PPP6R2: variants seen among roughly 807,000 people sequenced by gnomAD.
The protein encoded by PPP6R2 is serine/threonine-protein phosphatase 6 regulatory subunit 2.
Under a neutral mutation model 100.2 loss-of-function variants are expected in PPP6R2, and 62 were observed. The observed-to-expected ratio is 0.62, with a 90% CI of 0.50 to 0.76. The LOEUF (loss-of-function observed/expected upper bound fraction) is 0.76. Among genes scored for constraint, PPP6R2 ranks in the 30% least tolerant of loss-of-function variants. The pLI is 0.00. For missense variants in PPP6R2, 1,142 were observed against 1,276.3 expected (o/e 0.89, Z 1.60); for synonymous variants, 525 against 514.7 (o/e 1.02, Z -0.27).
intron 1 of PPP6R2, among the ~76,000 whole-genome samples, chr22:50,367,853 A>G (rs1464969559): frequency 2.0e-5 from 3 of 152,290 alleles, no homozygotes; most frequent in Admixed American, 6.5e-5. Context: ...CTGGGGGACC[A>G]CTACTACCAA....
At chr22:50,424,665 GTC>G (rs2061839603) in intron 10 of PPP6R2, among the ~76,000 whole-genome samples, 3 of 106,074 alleles carry the variant, frequency 2.8e-5, no homozygotes, top group Admixed American at 2.7e-4. Flanking sequence ...TTGAGATGGA[GTC>G]TCTCTCTGTC....
In PPP6R2 at chr22:50,444,323, C is replaced by CTTTT; in HGVS notation, c.*85_*88dup. On this transcript the variant is annotated 3_prime_UTR_variant, in exon 24 of 24. Coordinates refer to ENST00000612753, the MANE Select transcript of PPP6R2 (RefSeq NM_001242898.2). ...CGAGAAAACTACCTGGTGATGCAATCTTTTTTTTTTTTAATTTAATTTAAT... is the reference window on the plus strand; with the variant it reads ...CGAGAAAACTACCTGGTGATGCAATCTTTTTTTTTTTTTTTTAATTTAATTTAAT... The CTTTT allele has an allele frequency of 8.4e-7, 1 of 1,194,496 alleles. No individual in the cohort carries two copies. Among genetic ancestry groups the CTTTT allele is most frequent in the Non-Finnish European group, 1.2e-6 (1 of 868,750 alleles). The allele number at this position is 1,194,496 out of a possible 1,614,324, so 74.0% of individuals were successfully genotyped here.
chr22:50,392,795 AGT>A (rs1235441915), intron 2 of PPP6R2, among the ~76,000 whole-genome samples: 2 of 152,142 alleles, frequency 1.3e-5, no homozygotes, highest in Non-Finnish European at 2.9e-5. Context: ...AGGCTGTGGG[AGT>A]GTGGCTGGAC....
At chr22:50,354,688 T>C (rs1274941863) in intron 1 of PPP6R2, among the ~76,000 whole-genome samples, 1 of 151,820 alleles carries the variant, frequency 6.6e-6, no homozygotes, top group Non-Finnish European at 1.5e-5. Context: ...TAGCCGGGCA[T>C]GGTGGCAAGC....
intron 16 of PPP6R2, 72 bp downstream of exon 16, chr22:50,437,675 C>T: frequency 1.4e-6 from 2 of 1,440,010 alleles, no homozygotes; most frequent in Non-Finnish European, 9.7e-7. Context: ...GGAGGCAGCT[C>T]CCTGAGGTCT....
the PPP6R2 span, among the ~76,000 whole-genome samples, chr22:50,338,285 T>TTGTGGTGTGTGGTGTGTGGTGTGTG: frequency 5.5e-5 from 6 of 108,700 alleles, no homozygotes; most frequent in Admixed American, 1.8e-4. Context: ...TGTGGTGTGT[T>TTGTGGTGTGTGGTGTGTGGTGTGTG]TGTGGTGTGT....
At chr22:50,357,600 T>G (rs919290922) in intron 1 of PPP6R2, among the ~76,000 whole-genome samples, 37 of 151,808 alleles carry the variant, frequency 2.4e-4, no homozygotes, top group African/African-American at 8.7e-4. Flanking sequence ...GATCAAGCAG[T>G]CTTCCCACCT....
chr22:50,435,128 A>C, intron 13 of PPP6R2, 47 bp downstream of exon 13: 1 of 1,427,446 alleles, frequency 7.0e-7, no homozygotes. Flanking sequence ...GGGCACCGGG[A>C]CCCCGAAGGA....
rs565523118 is a variant in PPP6R2 at position 50,411,545 on chromosome 22, G to A, written c.415-3007G>A. On this transcript the variant is annotated intron_variant, in intron 4 of 23. Transcript: ENST00000612753. ...AGGCAAGCGGATTATCTGAGGTCAG[G>A]AGTTTGAGACCAGCCTGGCCCAACA... 3.4e-3 allele frequency among the ~76,000 whole-genome samples: 521 copies of A among 152,098 alleles called. 1 individual carries two copies. The highest frequency in any genetic ancestry group is 4.1e-3 in the Non-Finnish European group (276 of 68,006).
chr22:50,436,944 G>T, intron 14 of PPP6R2, 44 bp from the exon 15 acceptor site: 4 of 1,503,564 alleles, frequency 2.7e-6, no homozygotes, highest in African/African-American at 1.4e-5. Context: ...GGTCTGGGGC[G>T]CTGGGCTGGC....
chr22:50,362,322 GGCC>G, intron 1 of PPP6R2, among the ~76,000 whole-genome samples: 1 of 152,300 alleles, frequency 6.6e-6, no homozygotes, highest in East Asian at 1.9e-4. Flanking sequence ...GCCTGGCGTG[GGCC>G]TGACAGCCAT....
At chr22:50,440,293 C>T (rs2065280700) in intron 21 of PPP6R2, among the ~76,000 whole-genome samples, 1 of 152,236 alleles carries the variant, frequency 6.6e-6, no homozygotes, top group Non-Finnish European at 1.5e-5. Context: ...GTAGGTGGCA[C>T]AGCTCAGGTC....
intron 10 of PPP6R2, among the ~76,000 whole-genome samples, chr22:50,428,144 C>T (rs938413360): frequency 6.6e-6 from 1 of 152,196 alleles, no homozygotes; most frequent in East Asian, 1.9e-4. Context: ...CATGAGCCAC[C>T]GTGCCTGGCC....
intron 1 of PPP6R2, among the ~76,000 whole-genome samples, chr22:50,350,252 C>T (rs989504475): frequency 6.6e-5 from 10 of 151,990 alleles, no homozygotes; most frequent in Admixed American, 2.0e-4. Context: ...TTTTTTGAGA[C>T]GAAGTTTCCC....
At chr22:50,416,066 C>T in intron 5 of PPP6R2, 26 bp from the exon 6 acceptor site, 1 of 1,600,834 alleles carries the variant, frequency 6.2e-7, no homozygotes. Context: ...AGCAGCGACA[C>T]TGAAAGGCCT....
chr22:50,437,961 C>G, intron 17 of PPP6R2, 61 bp downstream of exon 17: 1 of 1,562,028 alleles, frequency 6.4e-7, no homozygotes. Flanking sequence ...CAGGCCATGC[C>G]CATGGCTCGG....
intron 4 of PPP6R2, among the ~76,000 whole-genome samples, chr22:50,410,598 T>G (rs2059609957): frequency 6.7e-6 from 1 of 149,686 alleles, no homozygotes; most frequent in African/African-American, 2.5e-5. Context: ...TGGATTCTCG[T>G]GCCTCAGCCT....
chr22:50,443,881 C>T lies in PPP6R2; in HGVS notation c.2595C>T (p.Asp865=). The change falls in exon 23 of 24, where the codon GAC becomes GAT. Residue 865 remains aspartate (D), a synonymous_variant. Coordinates refer to ENST00000612753, the MANE Select transcript of PPP6R2 (RefSeq NM_001242898.2). ...EEAVGRVGCA[D]SRLLSPACPA... ...TGCCACACAGGGTCGGGTGTGCTGA[C>T]AGCCGGCTGTTAAGCCCTGCCTGCC... 6.3e-7 allele frequency: 1 copy of T among 1,582,948 alleles called. No individual in the cohort carries two copies. The highest frequency in any genetic ancestry group is 1.3e-5 in the African/African-American group (1 of 74,174).
intron 2 of PPP6R2, among the ~76,000 whole-genome samples, chr22:50,378,962 T>C (rs1057073494): frequency 2.0e-5 from 3 of 152,044 alleles, no homozygotes; most frequent in Admixed American, 2.0e-4. Context: ...GATTAGTGCC[T>C]TGTAGAAGGG....
Sources: gnomAD v4.1 joint callset for allele counts (sites outside exome capture counted in the v4.1 genomes callset) on GRCh38, gnomAD v4.1.1 for gene constraint, MANE v1.5 for transcripts, NCBI Gene and HGNC (gene_info 2026-07-23, HGNC 2026-07-21) for gene names.